The following VPS13B variants were observed in gnomAD, a reference collection of about 807,000 sequenced individuals.
The protein encoded by VPS13B is vacuolar protein sorting 13 homolog B.
VPS13B carries 285 observed loss-of-function variants against 426.4 expected under a neutral mutation model. The ratio of observed to expected loss-of-function variants is 0.67; its 90% CI spans 0.61 to 0.74. The LOEUF (loss-of-function observed/expected upper bound fraction) is 0.74. Ranked by LOEUF, VPS13B falls within the 30% of genes least tolerant of loss-of-function variation. VPS13B has a pLI of 0.00. For synonymous variants in VPS13B, 1,676 were observed against 1,676.4 expected (o/e 1.00, Z 0.01); for missense variants, 4,537 against 4,782.6 (o/e 0.95, Z 1.51).
chr8:99,066,650 A>G (rs1844535623), intron 3 of VPS13B, among the ~76,000 whole-genome samples: 1 of 152,220 alleles, frequency 6.6e-6, no homozygotes, highest in Non-Finnish European at 1.5e-5. Flanking sequence ...AAATAGAGAA[A>G]TGGGATCTAA....
At chr8:99,433,529 A>C (rs959298178) in intron 22 of VPS13B, among the ~76,000 whole-genome samples, 1 of 152,198 alleles carries the variant, frequency 6.6e-6, no homozygotes, top group Non-Finnish European at 1.5e-5. Flanking sequence ...TCTAGTCAGC[A>C]AAGTATTCAT....
In VPS13B at chr8:99,556,575, A is replaced by G. The variant is rs1384634797; in HGVS notation, c.4871A>G (p.Glu1624Gly). Residue 1624 changes from glutamate (E) to glycine (G), a missense_variant, in exon 31 of 62, where the codon GAA (glutamate) becomes GGA (glycine). Glu to Gly is a moderately conservative substitution (Grantham distance 98). Coordinates refer to ENST00000357162, the MANE Select transcript of VPS13B (RefSeq NM_152564.5). The part of the protein sequence containing the change: ...AQWHQLKPEK[E>G]SVSGGVVTET... ...TGGCATCAACTAAAACCAGAGAAGGAAAGTGTCTCAGGAGGGGTGGTAACA... is the reference window on the plus strand; with the variant it reads ...TGGCATCAACTAAAACCAGAGAAGGGAAGTGTCTCAGGAGGGGTGGTAACA... 1 of 1,613,264 alleles carries G rather than the reference A, an allele frequency of 6.2e-7. No individual in the cohort carries two copies. Among genetic ancestry groups the G allele is most frequent in the Admixed American group, 1.7e-5 (1 of 59,886 alleles).
chr8:99,365,968 G>T (rs1431825175), intron 19 of VPS13B, among the ~76,000 whole-genome samples: 16 of 140,364 alleles, frequency 1.1e-4, no homozygotes, highest in Non-Finnish European at 2.1e-4. Flanking sequence ...CAGGTTTTTT[G>T]TTGTTTTTTT....
At chr8:99,360,148 TTCTTTCTTTC>T (rs1812434944) in intron 19 of VPS13B, among the ~76,000 whole-genome samples, 3 of 33,416 alleles carry the variant, frequency 9.0e-5, no homozygotes, top group Admixed American at 3.3e-4. Flanking sequence ...CTTTCTTTCT[TTCTTTCTTTC>T]TTTCTTTCTT....
intron 19 of VPS13B, among the ~76,000 whole-genome samples, chr8:99,284,398 A>G (rs1819324889): frequency 1.3e-5 from 2 of 152,202 alleles, no homozygotes; most frequent in Non-Finnish European, 2.9e-5. Context: ...ATAACGATGC[A>G]TCAAAGTCTC....
At chr8:99,816,673 G>A (rs1383160976) in intron 44 of VPS13B, among the ~76,000 whole-genome samples, 3 of 151,926 alleles carry the variant, frequency 2.0e-5, no homozygotes, top group Admixed American at 2.0e-4. Context: ...GTGGGGTGGT[G>A]CATTCCCTGT....
intron 23 of VPS13B, among the ~76,000 whole-genome samples, chr8:99,448,363 T>C (rs916448825): frequency 2.0e-5 from 3 of 152,088 alleles, no homozygotes; most frequent in Non-Finnish European, 4.4e-5. Flanking sequence ...TGACCAAACC[T>C]ACTCTGAGGA....
chr8:99,749,084 G>C (rs1810262662), intron 39 of VPS13B, among the ~76,000 whole-genome samples: 1 of 151,818 alleles, frequency 6.6e-6, no homozygotes, highest in African/African-American at 2.4e-5. Context: ...CGAGTAGTTA[G>C]AAAAATTTAT....
chr8:99,860,108 T>C (rs143834973), intron 57 of VPS13B, among the ~76,000 whole-genome samples: 1 of 152,326 alleles, frequency 6.6e-6, no homozygotes, highest in African/African-American at 2.4e-5. Flanking sequence ...TGAGTCCCCT[T>C]TTCTTCTCAG....
In VPS13B at chr8:99,661,430, C is replaced by T; in HGVS notation, c.5985C>T (p.Ser1995=). ...AGACAGTGCCTGGAGAAATAGACAG[C>T]AAAAGTGGTATTCCACCTTCCTTTA... is the stretch of plus-strand genomic sequence containing the variant. The part of the protein sequence containing the change: ...WLQTVPGEID[S]KSGIPPSFIT... The change falls in exon 35 of 62, where the codon AGC becomes AGT. Residue 1995 remains serine (S), a synonymous_variant. Coordinates refer to ENST00000357162, the MANE Select transcript of VPS13B (RefSeq NM_152564.5). 1 of 1,613,674 alleles carries T rather than the reference C, an allele frequency of 6.2e-7. No homozygotes were observed. The highest frequency in any genetic ancestry group is 8.5e-7 in the Non-Finnish European group (1 of 1,179,822).
At chr8:99,262,428 T>A (rs937768728) in intron 17 of VPS13B, among the ~76,000 whole-genome samples, 7 of 152,198 alleles carry the variant, frequency 4.6e-5, no homozygotes, top group Admixed American at 1.3e-4. Context: ...ACAGTCTTTG[T>A]CACCTATTGA....
chr8:99,180,330 CATTT>C (rs1469081856), intron 16 of VPS13B, among the ~76,000 whole-genome samples: 2 of 152,154 alleles, frequency 1.3e-5, no homozygotes, highest in Admixed American at 1.3e-4. Flanking sequence ...TGCTGCAACT[CATTT>C]ATAAATATTT....
chr8:99,536,887 G>A (rs760357710), intron 30 of VPS13B: 24 of 462,104 alleles, frequency 5.2e-5, no homozygotes, highest in Middle Eastern at 4.0e-4. Flanking sequence ...CAAAAACTAG[G>A]GAAAAAAAGT....
At chr8:99,239,361 T>C (rs1453391833) in intron 17 of VPS13B, among the ~76,000 whole-genome samples, 2 of 152,170 alleles carry the variant, frequency 1.3e-5, no homozygotes, top group Non-Finnish European at 2.9e-5. Flanking sequence ...TCAGTCAAAT[T>C]ACTTTATTCT....
chr8:99,147,656 C>T (rs1459770665), intron 13 of VPS13B, among the ~76,000 whole-genome samples, 185 bp from the exon 14 acceptor site: 1 of 152,084 alleles, frequency 6.6e-6, no homozygotes, highest in Admixed American at 6.5e-5. Context: ...AACAAAGATA[C>T]ATTTACATTC....
chr8:99,272,091 T>A (rs188461554), intron 17 of VPS13B, among the ~76,000 whole-genome samples: 5 of 152,224 alleles, frequency 3.3e-5, no homozygotes, highest in African/African-American at 9.6e-5. Flanking sequence ...TACCCTAGAG[T>A]TTAAAGTCAA....
At chr8:99,015,483 TG>T in intron 2 of VPS13B, among the ~76,000 whole-genome samples, 1 of 151,878 alleles carries the variant, frequency 6.6e-6, no homozygotes, top group Non-Finnish European at 1.5e-5. Flanking sequence ...CCCAAAGTGC[TG>T]GGATTACAGG....
intron 16 of VPS13B, among the ~76,000 whole-genome samples, chr8:99,182,484 T>C (rs1401064731): frequency 6.6e-6 from 1 of 152,128 alleles, no homozygotes; most frequent in Non-Finnish European, 1.5e-5. Context: ...GAATATAAAA[T>C]TCTTTTTATA....
At chr8:99,809,313 T>A in intron 43 of VPS13B, 62 bp from the exon 44 acceptor site, 1 of 1,604,688 alleles carries the variant, frequency 6.2e-7, no homozygotes, top group East Asian at 2.2e-5. Flanking sequence ...GAGACTTTCA[T>A]TTTAGGACTA....
Sources: gnomAD v4.1 joint callset for allele counts (sites outside exome capture counted in the v4.1 genomes callset) on GRCh38, gnomAD v4.1.1 for gene constraint, MANE v1.5 for transcripts, NCBI Gene and HGNC (gene_info 2026-07-23, HGNC 2026-07-21) for gene names.